Variants in CYP19A1 observed in about 807,000 individuals in gnomAD.
CYP19A1 encodes the protein cytochrome P450 family 19 subfamily A member 1, also known as aromatase.
A neutral mutation model predicts 44.4 loss-of-function variants in CYP19A1; 32 were observed. The observed-to-expected ratio is 0.72, with a 90% CI of 0.54 to 0.97. The LOEUF (loss-of-function observed/expected upper bound fraction) is 0.97. Among genes scored for constraint, CYP19A1 ranks in the 50% least tolerant of loss-of-function variants. The pLI is 0.00. For missense variants in CYP19A1, 598 were observed against 637.8 expected, an observed-to-expected ratio of 0.94 and a Z score of 0.67; for synonymous variants, 212 against 215.6, an observed-to-expected ratio of 0.98 and a Z score of 0.14.
intron 1 of CYP19A1, among the ~76,000 whole-genome samples, chr15:51,297,499 G>T (rs1258927851): frequency 6.6e-6 from 1 of 152,096 alleles, no homozygotes; most frequent in Non-Finnish European, 1.5e-5. Context: ...GCTGCTTGCT[G>T]CAGCCTCTCA....
At chr15:51,310,490 C>A (rs954416076) in intron 1 of CYP19A1, among the ~76,000 whole-genome samples, 11 of 152,106 alleles carry the variant, frequency 7.2e-5, no homozygotes, top group African/African-American at 2.7e-4. Context: ...AAATCTTTGT[C>A]TTTTTTTCTC....
chr15:51,217,582 A>G (rs1452650579), intron 6 of CYP19A1, among the ~76,000 whole-genome samples: 1 of 152,230 alleles, frequency 6.6e-6, no homozygotes, highest in Non-Finnish European at 1.5e-5. Context: ...TTCAAAATCC[A>G]CAGGTAGAAT....
chr15:51,278,399 T>C (rs140651434), intron 1 of CYP19A1, among the ~76,000 whole-genome samples: 1 of 152,282 alleles, frequency 6.6e-6, no homozygotes, highest in African/African-American at 2.4e-5. Context: ...TGGAGTTACA[T>C]AGTTGCTGGG....
At chr15:51,280,341 AC>A (rs541377828) in intron 1 of CYP19A1, among the ~76,000 whole-genome samples, 2 of 148,292 alleles carry the variant, frequency 1.3e-5, no homozygotes, top group Admixed American at 6.7e-5. Flanking sequence ...CTCGTGATCC[AC>A]CCCCCTTGGC....
chr15:51,221,987 A>G (rs919900945), intron 5 of CYP19A1: 5 of 409,568 alleles, frequency 1.2e-5, no homozygotes, highest in African/African-American at 9.9e-5. Flanking sequence ...GTATGTATAT[A>G]TCATGCCCAA....
At chr15:51,237,704 G>T (rs183639584) in intron 2 of CYP19A1, among the ~76,000 whole-genome samples, 2 of 152,194 alleles carry the variant, frequency 1.3e-5, no homozygotes, top group Non-Finnish European at 2.9e-5. Context: ...GGTTTTAGCC[G>T]AGAGTAGTGG....
At chr15:51,335,852 G>T (rs1000373353) in intron 1 of CYP19A1, among the ~76,000 whole-genome samples, 3 of 152,164 alleles carry the variant, frequency 2.0e-5, no homozygotes, top group Admixed American at 2.0e-4. Flanking sequence ...CACAGAGTCT[G>T]GTCCCTGCCT....
At chr15:51,333,562 C>T (rs2036733513) in intron 1 of CYP19A1, among the ~76,000 whole-genome samples, 1 of 152,216 alleles carries the variant, frequency 6.6e-6, no homozygotes, top group Admixed American at 6.5e-5. Context: ...TAAAAAGTCA[C>T]ATTTTCTAGA....
At chr15:51,230,964 C>A (rs2032984664) in intron 3 of CYP19A1, among the ~76,000 whole-genome samples, 1 of 151,880 alleles carries the variant, frequency 6.6e-6, no homozygotes, top group Non-Finnish European at 1.5e-5. Context: ...TAGATCTGTT[C>A]CATCAATCCT....
chr15:51,285,944 C>T (rs1281385817), intron 1 of CYP19A1, among the ~76,000 whole-genome samples: 4 of 152,178 alleles, frequency 2.6e-5, no homozygotes, highest in African/African-American at 9.7e-5. Context: ...TGGTACCAGT[C>T]ACCACAGTCT....
intron 1 of CYP19A1, among the ~76,000 whole-genome samples, chr15:51,247,463 A>AT (rs1215174124): frequency 7.2e-6 from 1 of 139,506 alleles, no homozygotes; most frequent in African/African-American, 2.9e-5. Context: ...TTTTATTTTT[A>AT]TTTTTATTTA....
At chr15:51,240,581 A>G (rs1367170153) in intron 2 of CYP19A1, among the ~76,000 whole-genome samples, 2 of 152,192 alleles carry the variant, frequency 1.3e-5, no homozygotes, top group African/African-American at 4.8e-5. Flanking sequence ...ATTGATCAGC[A>G]AAAGCCACCC....
intron 1 of CYP19A1, among the ~76,000 whole-genome samples, chr15:51,336,457 G>T (rs902108256): frequency 1.3e-5 from 2 of 152,148 alleles, no homozygotes; most frequent in Admixed American, 6.5e-5. Flanking sequence ...AGGCTGAGTG[G>T]AAGATGCATG....
chr15:51,325,912 C>G (rs2141026377), intron 1 of CYP19A1, among the ~76,000 whole-genome samples: 1 of 151,066 alleles, frequency 6.6e-6, no homozygotes, highest in Admixed American at 6.6e-5. Context: ...TTAGCCCAGC[C>G]TACCTTAAAT....
chr15:51,235,255 G>A (rs894843775), intron 3 of CYP19A1, among the ~76,000 whole-genome samples: 1 of 152,170 alleles, frequency 6.6e-6, no homozygotes, highest in African/African-American at 2.4e-5. Flanking sequence ...CTAGTTCTTA[G>A]AGCAGTGGTT....
chr15:51,284,909 C>T (rs143785055), intron 1 of CYP19A1, among the ~76,000 whole-genome samples: 21 of 152,322 alleles, frequency 1.4e-4, no homozygotes, highest in African/African-American at 4.1e-4. Flanking sequence ...CAGCATCTAG[C>T]GGACCCACCT....
chr15:51,258,320 T>C (rs2034589429), intron 1 of CYP19A1, among the ~76,000 whole-genome samples: 1 of 152,200 alleles, frequency 6.6e-6, no homozygotes, highest in Non-Finnish European at 1.5e-5. Flanking sequence ...CAGCACTTGT[T>C]GTTCTCTCCA....
At chr15:51,247,509 G>A (rs988056345) in intron 1 of CYP19A1, among the ~76,000 whole-genome samples, 11 of 151,752 alleles carry the variant, frequency 7.2e-5, no homozygotes, top group Non-Finnish European at 1.2e-4. Context: ...TTGCTCTGTT[G>A]CCCAGGCTGG....
chr15:51,317,553 A>G (rs1052489323), intron 1 of CYP19A1, among the ~76,000 whole-genome samples: 7 of 152,256 alleles, frequency 4.6e-5, no homozygotes, highest in African/African-American at 1.7e-4. Flanking sequence ...TATGGGCTTT[A>G]GATACACAGA....
Sources: gnomAD v4.1 joint callset for allele counts (sites outside exome capture counted in the v4.1 genomes callset) on GRCh38, gnomAD v4.1.1 for gene constraint, MANE v1.5 for transcripts, NCBI Gene and HGNC (gene_info 2026-07-23, HGNC 2026-07-21) for gene names.